DROSHA: variants seen among roughly 807,000 people sequenced by gnomAD.
DROSHA encodes the protein ribonuclease 3.
Under a neutral mutation model 181.9 loss-of-function variants are expected in DROSHA, and 56 were observed. That is an observed-to-expected ratio of 0.31 (90% CI 0.25 to 0.38). The LOEUF is 0.38. Among genes scored for constraint, DROSHA ranks in the 10% least tolerant of loss-of-function variants. DROSHA has a pLI of 1.00. For missense variants in DROSHA, 1,218 were observed against 1,743.5 expected (o/e 0.70, Z 5.37); for synonymous variants, 524 against 591.2 (o/e 0.89, Z 1.65).
chr5:31,434,753 G>A (rs1380011711), intron 25 of DROSHA, among the ~76,000 whole-genome samples: 1 of 152,060 alleles, frequency 6.6e-6, no homozygotes, highest in Non-Finnish European at 1.5e-5. Context: ...AATTACTTTA[G>A]GCAAAACCCA....
Position 31,470,462 on chromosome 5 carries a change from C to G in DROSHA, c.2241+1601G>C, listed in dbSNP as rs369649302. 1.4e-5 allele frequency among the ~76,000 whole-genome samples: 2 copies of G among 140,114 alleles called. No individual in the cohort carries two copies. Among genetic ancestry groups the G allele is most frequent in the Non-Finnish European group, 3.0e-5 (2 of 66,890 alleles). The allele number at this position is 140,114 out of a possible 152,430, so 91.9% of individuals were successfully genotyped here. On this transcript the variant is annotated intron_variant, in intron 17 of 35. Transcript: ENST00000344624. The surrounding 1 kb of genome is among the most constrained non-coding windows in gnomAD (Gnocchi z 4.0). ...GCAAAAATAGTTGCGGTATGGCAGA[C>G]CCCCGCAACTACTTTTGTGCCAGCC...
At chr5:31,503,569 T>A (rs1475467254) in intron 11 of DROSHA, among the ~76,000 whole-genome samples, 1 of 152,196 alleles carries the variant, frequency 6.6e-6, no homozygotes, top group African/African-American at 2.4e-5. Context: ...TACTTTGCTC[T>A]GGGGACTGAG....
At position 31,509,554 on chromosome 5, in the gene DROSHA, A is replaced by T. The variant is rs575759367; in HGVS notation, c.1433-779T>A. ...GGAATGAAGAGGGAGCATCGTAGGC[A>T]AAAGCGTGGAGCTAAGAACACAGTG... is the stretch of plus-strand genomic sequence containing the variant. On this transcript the variant is annotated intron_variant, in intron 9 of 35. Transcript: ENST00000344624. Among the ~76,000 whole-genome samples, 7 of 152,316 alleles carry T rather than the reference A, an allele frequency of 4.6e-5. No individual in the cohort carries two copies. The South Asian group carries it at 1.4e-3, about 32-fold the overall frequency.
Position 31,503,829 on chromosome 5 carries a change from C to T in DROSHA, c.1668+726G>A, listed in dbSNP as rs140392879. 6.6e-5 allele frequency among the ~76,000 whole-genome samples: 10 copies of T among 152,294 alleles called. No individual in the cohort carries two copies. The East Asian group carries it at 1.5e-3, about 24-fold the overall frequency. ...CAAAGACAAATGAGCAGAAGTGATGCAAGTATTTCAAATTATCAGGCACCA... is the reference window on the plus strand; with the variant it reads ...CAAAGACAAATGAGCAGAAGTGATGTAAGTATTTCAAATTATCAGGCACCA... On this transcript the variant is annotated intron_variant, in intron 11 of 35. Transcript: ENST00000344624.
At chr5:31,429,939 G>GA (rs892320962) in intron 26 of DROSHA, among the ~76,000 whole-genome samples, 3 of 149,584 alleles carry the variant, frequency 2.0e-5, no homozygotes, top group South Asian at 4.3e-4. Flanking sequence ...GATACCTAAG[G>GA]AAAAAAAAAC....
chr5:31,423,071 A>C (rs1414272681), intron 28 of DROSHA, 127 bp from the exon 29 acceptor site: 1 of 815,688 alleles, frequency 1.2e-6, no homozygotes, highest in African/African-American at 1.8e-5. Context: ...AATGCCAATA[A>C]AGCATGGAAG....
chr5:31,474,304 C>T (rs766009116), intron 16 of DROSHA, among the ~76,000 whole-genome samples: 2 of 152,178 alleles, frequency 1.3e-5, no homozygotes, highest in Non-Finnish European at 2.9e-5. Flanking sequence ...AATAAGCTAA[C>T]TTCCATAGTG....
chr5:31,455,669 C>G (rs1434233002), intron 20 of DROSHA, among the ~76,000 whole-genome samples: 1 of 145,702 alleles, frequency 6.9e-6, no homozygotes, highest in East Asian at 2.0e-4. Flanking sequence ...GAGACGGGGT[C>G]TCACTCTGTT....
At chr5:31,473,102 C>G (rs1420400122) in intron 16 of DROSHA, among the ~76,000 whole-genome samples, 1 of 152,148 alleles carries the variant, frequency 6.6e-6, no homozygotes, top group African/African-American at 2.4e-5. Flanking sequence ...CAATCATTAC[C>G]CTCTCCCAGG....
intron 6 of DROSHA, among the ~76,000 whole-genome samples, chr5:31,517,098 A>C (rs545912934): frequency 4.6e-5 from 7 of 152,320 alleles, no homozygotes; most frequent in Non-Finnish European, 7.3e-5. Flanking sequence ...ATATAATTTA[A>C]TTTGAAGTAT....
intron 11 of DROSHA, among the ~76,000 whole-genome samples, chr5:31,498,120 G>A (rs774857716): frequency 1.1e-4 from 16 of 152,164 alleles, no homozygotes; most frequent in Admixed American, 2.6e-4. Context: ...TCTGTGCCTA[G>A]GTGGCCTTGT....
intron 10 of DROSHA, among the ~76,000 whole-genome samples, chr5:31,506,901 A>G (rs1738038187): frequency 6.6e-6 from 1 of 152,230 alleles, no homozygotes. Flanking sequence ...CACAAAACCA[A>G]TAACACTAAA....
At chr5:31,424,379 AATAGCTGGAGTTATAAAGCTCACT>A (rs1057091184) in intron 28 of DROSHA, 24 bp downstream of exon 28, 1 of 1,569,856 alleles carries the variant, frequency 6.4e-7, no homozygotes, top group African/African-American at 1.4e-5. Flanking sequence ...AAGTAACATG[AATAGCTGGAGTTATAAAGCTCACT>A]GCAGACAGGG....
chr5:31,521,177 C>T lies in DROSHA; in HGVS notation c.893G>A (p.Arg298Gln), dbSNP rs371022450. 3 of 1,613,648 alleles carry T rather than the reference C, an allele frequency of 1.9e-6. No individual in the cohort carries two copies. The highest frequency in any genetic ancestry group is 2.2e-5 in the East Asian group (1 of 44,860). The change falls in exon 6 of 36, where the codon CGA (arginine) becomes CAA (glutamine). Residue 298 changes from arginine to glutamine, a missense_variant. Arg to Gln is a conservative substitution (Grantham distance 43). Coordinates refer to ENST00000344624, the MANE Select transcript of DROSHA (RefSeq NM_001382508.1). Reference sequence around the variant, plus strand: ...GGACCTTTCCAGAGATGGTGATCTTCGGTTGTCTCGATGCCTGTGTCTCTC... The same window carrying T: ...GGACCTTTCCAGAGATGGTGATCTTTGGTTGTCTCGATGCCTGTGTCTCTC... ...ERERHRHRDNRRSPSLERSYK... is the reference protein window; with the variant it reads ...ERERHRHRDNQRSPSLERSYK...
intron 30 of DROSHA, among the ~76,000 whole-genome samples, chr5:31,412,179 C>G (rs1561118763): frequency 6.6e-6 from 1 of 152,086 alleles, no homozygotes; most frequent in Non-Finnish European, 1.5e-5. Context: ...AGGAGGACAG[C>G]CGGGAGCAAG....
intron 13 of DROSHA, among the ~76,000 whole-genome samples, chr5:31,488,080 G>A (rs1751984893): frequency 6.6e-6 from 1 of 152,056 alleles, no homozygotes; most frequent in Admixed American, 6.6e-5. Flanking sequence ...AAAGTATAAA[G>A]TATAAAAGAA....
chr5:31,470,453 T>C lies in DROSHA; in HGVS notation c.2241+1610A>G, dbSNP rs1392573276. ...TAGTTTGGTGCAAAAATAGTTGCGG[T>C]ATGGCAGACCCCCGCAACTACTTTT... On this transcript the variant is annotated intron_variant, in intron 17 of 35. Coordinates refer to ENST00000344624, the MANE Select transcript of DROSHA (RefSeq NM_001382508.1). This position sits in a 1 kb window ranked among gnomAD's most constrained non-coding sequence, Gnocchi z 4.0. Among the ~76,000 whole-genome samples the C allele has an allele frequency of 1.3e-5, 2 of 151,218 alleles. No individual in the cohort carries two copies. The highest frequency in any genetic ancestry group is 4.9e-5 in the African/African-American group (2 of 41,064).
At chr5:31,520,198 C>T (rs1343236722) in intron 6 of DROSHA, among the ~76,000 whole-genome samples, 2 of 152,116 alleles carry the variant, frequency 1.3e-5, no homozygotes, top group Admixed American at 6.5e-5. Context: ...ATCAACCCAT[C>T]ACATTCAAGT....
intron 23 of DROSHA, among the ~76,000 whole-genome samples, chr5:31,442,514 A>C (rs1745716186): frequency 6.6e-6 from 1 of 152,208 alleles, no homozygotes; most frequent in South Asian, 2.1e-4. Flanking sequence ...GAAGTGAATC[A>C]ACAGAGGCAT....
Sources: allele counts gnomAD v4.1 joint callset (sites outside exome capture counted in the v4.1 genomes callset), GRCh38; gene constraint gnomAD v4.1.1; non-coding constraint Gnocchi (gnomAD v3.1); transcripts MANE v1.5; gene names NCBI Gene and HGNC (gene_info 2026-07-23, HGNC 2026-07-21).